Variants in COL24A1 observed in about 807,000 individuals in gnomAD.
COL24A1 encodes the protein collagen alpha-1(XXIV) chain.
In COL24A1, 224 loss-of-function variants were observed where a neutral mutation model predicts 253.9. The ratio of observed to expected loss-of-function variants is 0.88; its 90% CI spans 0.79 to 0.99. The LOEUF is 0.99. COL24A1 is among the 50% of genes least tolerant of loss of function. The pLI, the probability that COL24A1 is intolerant of heterozygous loss-of-function variation, is 0.00. For missense variants in COL24A1, 2,131 were observed against 2,068.5 expected (o/e 1.03, Z -0.59); for synonymous variants, 685 against 673.7 (o/e 1.02, Z -0.26).
At position 86,091,137 on chromosome 1, in the gene COL24A1, T is replaced by C. The variant is rs890179012; in HGVS notation, c.1653+1130A>G. ...AATTAAGACAGTAATGAAAATACTATGTTTATAGTAATAATCTATTCCAAG... is the reference window on the plus strand; with the variant it reads ...AATTAAGACAGTAATGAAAATACTACGTTTATAGTAATAATCTATTCCAAG... On this transcript the variant is annotated intron_variant, in intron 6 of 59. Transcript: ENST00000370571. Among the ~76,000 whole-genome samples the C allele has an allele frequency of 4.6e-5, 7 of 152,234 alleles. No individual in the cohort carries two copies. The East Asian group carries it at 5.8e-4, about 13-fold the overall frequency.
chr1:86,029,967 A>G (rs907820756), intron 14 of COL24A1: 1 of 152,134 alleles, frequency 6.6e-6, no homozygotes, highest in Non-Finnish European at 1.5e-5. Context: ...CCACAATTCC[A>G]CTTCCTATCC....
At chr1:85,905,701 C>A (rs965063337) in intron 28 of COL24A1, among the ~76,000 whole-genome samples, 1 of 151,952 alleles carries the variant, frequency 6.6e-6, no homozygotes, top group African/African-American at 2.4e-5. Context: ...GACAAAGTGA[C>A]AAATCAGGAA....
At chr1:85,967,341 G>T (rs963319151) in intron 22 of COL24A1, among the ~76,000 whole-genome samples, 6 of 152,142 alleles carry the variant, frequency 3.9e-5, no homozygotes, top group African/African-American at 1.4e-4. Flanking sequence ...CTTGAAGATA[G>T]AATTCAGAAT....
intron 7 of COL24A1, among the ~76,000 whole-genome samples, chr1:86,070,244 A>G (rs978193019): frequency 4.6e-5 from 7 of 152,252 alleles, no homozygotes; most frequent in African/African-American, 1.7e-4. Flanking sequence ...TGAAAGACTT[A>G]GTGAGCTTGA....
intron 53 of COL24A1, among the ~76,000 whole-genome samples, chr1:85,771,914 G>A (rs1334658178): frequency 6.8e-6 from 1 of 147,922 alleles, no homozygotes; most frequent in East Asian, 2.0e-4. Context: ...TCGTCATCTA[G>A]CATTAGGTAT....
rs559756905 is a variant in COL24A1, at chr1:85,744,433, T to C, written c.4672+233A>G. Among the ~76,000 whole-genome samples, 9 of 152,126 alleles carry C rather than the reference T, an allele frequency of 5.9e-5. No individual in the cohort carries two copies. In the East Asian group the frequency reaches 1.2e-3, roughly 20 times the overall value. ...GGCCTACCTTTCTTAATTTTTAATA[T>C]GAATATGCTGTATACCAAGTACAAA... On this transcript the variant is annotated intron_variant, in intron 57 of 59. Coordinates refer to ENST00000370571, the MANE Select transcript of COL24A1 (RefSeq NM_152890.7).
intron 24 of COL24A1, among the ~76,000 whole-genome samples, chr1:85,952,738 A>G (rs567163115): frequency 6.6e-6 from 1 of 152,312 alleles, no homozygotes; most frequent in Admixed American, 6.5e-5. Flanking sequence ...CTTTCATACT[A>G]CAACAGTTGA....
chr1:85,828,256 T>G lies in COL24A1; in HGVS notation c.3682-4518A>C, dbSNP rs1338399435. ...TTTGAGTGAGATTCTTAATCCTGAG[T>G]TCTAGTTTGATTGCACTGTGGTCTG... On this transcript the variant is annotated intron_variant, in intron 43 of 59. Transcript: ENST00000370571. Among the ~76,000 whole-genome samples, 4 of 148,800 alleles carry G rather than the reference T, an allele frequency of 2.7e-5. 1 individual carries two copies. Among genetic ancestry groups the G allele is most frequent in the Admixed American group, 2.0e-4 (3 of 14,690 alleles).
rs529892835 is a variant in COL24A1 at position 85,827,771 on chromosome 1, T to A, written c.3682-4033A>T. ...TATTTCTGTGGGATCAGTGGTGATATCCCCTTTATCATTTTTTATTGTGTC... is the reference window on the plus strand; with the variant it reads ...TATTTCTGTGGGATCAGTGGTGATAACCCCTTTATCATTTTTTATTGTGTC... On this transcript the variant is annotated intron_variant, in intron 43 of 59. Transcript: ENST00000370571. Among the ~76,000 whole-genome samples the A allele has an allele frequency of 2.7e-4, 41 of 152,204 alleles. 1 individual carries two copies. The South Asian group carries it at 8.5e-3, about 32-fold the overall frequency.
chr1:86,113,275 T>G (rs1705794383), intron 4 of COL24A1, among the ~76,000 whole-genome samples: 1 of 152,172 alleles, frequency 6.6e-6, no homozygotes, highest in South Asian at 2.1e-4. Flanking sequence ...ATCCGGAAAC[T>G]TAAGCGCATA....
intron 7 of COL24A1, among the ~76,000 whole-genome samples, chr1:86,078,929 T>G (rs1044960652): frequency 6.6e-6 from 1 of 152,130 alleles, no homozygotes; most frequent in Non-Finnish European, 1.5e-5. Flanking sequence ...ACCAGTAATA[T>G]TCTTCATAGA....
intron 28 of COL24A1, among the ~76,000 whole-genome samples, chr1:85,906,262 G>GTTTTTTTTTTTTTTTTTTTT (rs1438385660): frequency 2.8e-4 from 4 of 14,042 alleles, no homozygotes; most frequent in African/African-American, 8.5e-4. Flanking sequence ...AAACTGCAAG[G>GTTTTTTTTTTTTTTTTTTTT]TCTTTTTTTT....
At chr1:85,858,624 C>CTTCCTTCCTTCCTTCCTTCT (rs1650873655) in intron 37 of COL24A1, among the ~76,000 whole-genome samples, 1 of 86,802 alleles carries the variant, frequency 1.2e-5, no homozygotes, top group Non-Finnish European at 2.2e-5. Context: ...TTTCTCCCTC[C>CTTCCTTCCTTCCTTCCTTCT]TTCCTTCCTT....
chr1:85,828,477 T>A (rs1674702060), intron 43 of COL24A1, among the ~76,000 whole-genome samples: 1 of 151,364 alleles, frequency 6.6e-6, no homozygotes, highest in South Asian at 2.1e-4. Context: ...CTGGGTATCC[T>A]TGTTGACTTT....
At position 85,737,883 on chromosome 1, in the gene COL24A1, T is replaced by C. The variant is rs1461295037; in HGVS notation, c.4673-378A>G. 2.6e-5 allele frequency among the ~76,000 whole-genome samples: 4 copies of C among 152,168 alleles called. No homozygotes were observed. In the East Asian group the frequency reaches 7.7e-4, roughly 29 times the overall value. On this transcript the variant is annotated intron_variant, in intron 57 of 59. Coordinates refer to ENST00000370571, the MANE Select transcript of COL24A1 (RefSeq NM_152890.7). ...CCGGCCACATCCTTATAAATGGTCATGGTACTTTAAATACATATTATCACA... is the reference window on the plus strand; with the variant it reads ...CCGGCCACATCCTTATAAATGGTCACGGTACTTTAAATACATATTATCACA...
Position 85,755,740 on chromosome 1 carries a change from C to T in COL24A1, c.4437+5656G>A, listed in dbSNP as rs80001760. ...AAAAAAACTTACATCATGAGTTATA[C>T]CATGAACTCAAAATGAATCAAAGAC... On this transcript the variant is annotated intron_variant, in intron 55 of 59. Coordinates refer to ENST00000370571, the MANE Select transcript of COL24A1 (RefSeq NM_152890.7). Among the ~76,000 whole-genome samples the T allele has an allele frequency of 1.0e-2, 1,513 of 152,000 alleles. 22 individuals carry two copies. The highest frequency in any genetic ancestry group is 0.034 in the African/African-American group (1,421 of 41,474).
intron 32 of COL24A1, among the ~76,000 whole-genome samples, chr1:85,880,495 T>C (rs975763233): frequency 6.6e-6 from 1 of 152,026 alleles, no homozygotes; most frequent in Non-Finnish European, 1.5e-5. Context: ...TCTTTCCAAA[T>C]TTGTATACTT....
chr1:86,071,843 G>A (rs1231035812), intron 7 of COL24A1, among the ~76,000 whole-genome samples: 1 of 152,124 alleles, frequency 6.6e-6, no homozygotes, highest in Non-Finnish European at 1.5e-5. Flanking sequence ...TAGTCAGTGG[G>A]TGCAGCCCAT....
At chr1:85,940,110 A>G (rs1688602437) in intron 24 of COL24A1, among the ~76,000 whole-genome samples, 1 of 80,520 alleles carries the variant, frequency 1.2e-5, no homozygotes, top group Non-Finnish European at 2.9e-5. Context: ...ACACTTTTAA[A>G]AAGTGCCATA....
Sources: allele counts gnomAD v4.1 joint callset (sites outside exome capture counted in the v4.1 genomes callset), GRCh38; gene constraint gnomAD v4.1.1; transcripts MANE v1.5; gene names NCBI Gene and HGNC (gene_info 2026-07-23, HGNC 2026-07-21).